RELA: variants seen among roughly 807,000 people sequenced by gnomAD.
RELA encodes transcription factor p65.
Under a neutral mutation model 56.7 loss-of-function variants are expected in RELA, and 14 were observed. That is an observed-to-expected ratio of 0.25 (90% CI 0.16 to 0.39). The LOEUF is 0.39. Among genes scored for constraint, RELA ranks in the 10% least tolerant of loss-of-function variants. RELA has a pLI of 1.00. For synonymous variants in RELA, 315 were observed against 289.7 expected (o/e 1.09, Z -0.89); for missense variants, 559 against 736.4 (o/e 0.76, Z 2.79).
At chr11:65,662,978 G>T, upstream of RELA, 1 of 558,136 alleles carries the variant, frequency 1.8e-6, no homozygotes, top group Non-Finnish European at 2.5e-6. Flanking sequence ...GCGCTGCCCC[G>T]CCGCCGCCCG....
At chr11:65,661,413 A>G (rs1159250554) in intron 4 of RELA, 4 of 366,428 alleles carry the variant, frequency 1.1e-5, no homozygotes, top group Non-Finnish European at 2.0e-5. Context: ...TCCTCAAACA[A>G]GAGACGTGAC....
At chr11:65,662,452 T>A in intron 1 of RELA, 1 of 504,450 alleles carries the variant, frequency 2.0e-6, no homozygotes, top group South Asian at 3.7e-5. Context: ...CTGTTGTACT[T>A]TCTTAAGGAA....
In RELA at chr11:65,654,794, C is replaced by A; in HGVS notation, c.1240G>T (p.Ala414Ser). The stretch of plus-strand genomic sequence containing the variant: ...GCCACAGCCTGAGGAGGGCCTGGGG[C>A]TAGGACTGGGACAGGGGCTGGGGCC... ...AQAPAPVPVL[A>S]PGPPQAVAPP... is the part of the protein sequence containing the mutation. Residue 414 changes from alanine (A) to serine (S), a missense_variant, in exon 11 of 11, where the codon GCC becomes TCC. Coordinates refer to ENST00000406246, the MANE Select transcript of RELA (RefSeq NM_021975.4). 6.6e-7 allele frequency: 1 copy of A among 1,522,672 alleles called. No homozygotes were observed. The highest frequency in any genetic ancestry group is 1.3e-5 in the South Asian group (1 of 78,580). 94.3% of individuals were successfully genotyped at this position (1,522,672 alleles called of 1,614,324 possible). A position where few individuals can be genotyped will look rare whatever the true frequency, so the allele number is the denominator to read the frequency against.
At position 65,655,197 on chromosome 11, in the gene RELA, G is replaced by C. The variant is rs898829824; in HGVS notation, c.1034-197C>G. ...GTTCTAGCCACACCTCCACCTTGGA[G>C]TCCTCCCTGACTACTCAAGCCCACG... On this transcript the variant is annotated intron_variant, in intron 10 of 10. Coordinates refer to ENST00000406246, the MANE Select transcript of RELA (RefSeq NM_021975.4). The C allele has an allele frequency of 2.0e-5, 12 of 600,078 alleles. No homozygotes were observed. In the African/African-American group the frequency reaches 2.1e-4, roughly 10 times the overall value. The allele number at this position is 600,078 out of a possible 1,614,324, so 37.2% of individuals were successfully genotyped here. A position where few individuals can be genotyped will look rare whatever the true frequency, so the allele number is the denominator to read the frequency against.
chr11:65,658,343 C>T lies in RELA; in HGVS notation c.821G>A (p.Arg274Gln). The stretch of plus-strand genomic sequence containing the variant: ...CTCACTGAGCTCCCGGTCGGAAGGC[C>T]GCCGCAGCTGCATGGAGACACGCAC... ...APVRVSMQLR[R>Q]PSDRELSEPM... The change falls in exon 8 of 11, where the codon CGG becomes CAG. Residue 274 changes from arginine to glutamine, a missense_variant. Physicochemically the swap from Arg to Gln is conservative, Grantham distance 43. Around this residue, in one of 4 missense-constraint regions of RELA, gnomAD observed 365 missense variants for 387.5 expected, o/e 0.94. Transcript: ENST00000406246. The surrounding 1 kb of genome is among the most constrained non-coding windows in gnomAD (Gnocchi z 4.5). 1.2e-6 allele frequency: 2 copies of T among 1,612,780 alleles called. No homozygotes were observed. The highest frequency in any genetic ancestry group is 1.7e-6 in the Non-Finnish European group (2 of 1,179,596).
At chr11:65,663,328 G>A (rs181268952), upstream of RELA, among the ~76,000 whole-genome samples, 591 of 152,342 alleles carry the variant, frequency 3.9e-3, 4 homozygotes, top group African/African-American at 0.014. Flanking sequence ...GCAGAGGCCG[G>A]GTGGTTGAAC....
chr11:65,654,745 T>C lies in RELA; in HGVS notation c.1289A>G (p.Gln430Arg), dbSNP rs1297711254. 56 of 1,509,648 alleles carry C rather than the reference T, an allele frequency of 3.7e-5. No individual in the cohort carries two copies. The highest frequency in any genetic ancestry group is 4.9e-5 in the Non-Finnish European group (55 of 1,129,268). 93.5% of individuals were successfully genotyped at this position (1,509,648 alleles called of 1,614,324 possible). ...CTCTGACAGCGTTCCTTCCCCAGCC[T>C]GGGTGGGCTTGGGGGCAGGTGGGGC... Reference protein sequence around the residue: ...AVAPPAPKPTQAGEGTLSEAL... With the variant: ...AVAPPAPKPTRAGEGTLSEAL... The change falls in exon 11 of 11, where the codon CAG becomes CGG. Residue 430 changes from glutamine to arginine, a missense_variant. Physicochemically the swap from Gln to Arg is conservative, Grantham distance 43. Around this residue, in one of 4 missense-constraint regions of RELA, gnomAD observed 365 missense variants for 387.5 expected, o/e 0.94. Transcript: ENST00000406246.
rs1856393333 is a variant in RELA at position 65,655,237 on chromosome 11, T to G, written c.1034-237A>C. On this transcript the variant is annotated intron_variant, in intron 10 of 10. Transcript: ENST00000406246. ...TCAAGCCCACGAAACTCTTCCAGCC[T>G]TTTAGAGGAAGGGACACTTGGAGAG... The G allele has an allele frequency of 1.7e-5, 10 of 579,256 alleles. No homozygotes were observed. The East Asian group carries it at 2.9e-4, about 17-fold the overall frequency. 35.9% of individuals were successfully genotyped at this position (579,256 alleles called of 1,614,324 possible). A position where few individuals can be genotyped will look rare whatever the true frequency, so the allele number is the denominator to read the frequency against.
At chr11:65,662,230 C>T in intron 1 of RELA, 25 bp from the exon 2 acceptor site, 1 of 1,536,184 alleles carries the variant, frequency 6.5e-7, no homozygotes, top group Non-Finnish European at 8.7e-7. Flanking sequence ...AGATCAGGGT[C>T]AGCACACACC....
upstream of RELA, chr11:65,663,067 C>G (rs1227421976): frequency 1.5e-5 from 4 of 264,238 alleles, no homozygotes; most frequent in Non-Finnish European, 2.8e-5. Flanking sequence ...GGGTCGGGGC[C>G]AAGTGCGCGC....
intron 8 of RELA, among the ~76,000 whole-genome samples, chr11:65,657,087 G>GTAGA (rs1474864558): frequency 6.6e-6 from 1 of 152,026 alleles, no homozygotes; most frequent in African/African-American, 2.4e-5. Flanking sequence ...GGACGATATG[G>GTAGA]TGATGTAACA....
Position 65,662,223 on chromosome 11 carries a change from T to C in RELA, c.8-18A>G. 1 of 1,555,572 alleles carries C rather than the reference T, an allele frequency of 6.4e-7. No homozygotes were observed. The highest frequency in any genetic ancestry group is 8.6e-7 in the Non-Finnish European group (1 of 1,156,164). ...GAACAGTTCTGAAAGGGGAGGGAGA[T>C]CAGGGTCAGCACACACCCAATGCCC... On this transcript the variant is annotated intron_variant, in intron 1 of 10. Transcript: ENST00000406246.
chr11:65,655,978 T>C (rs776997890), intron 8 of RELA, 43 bp from the exon 9 acceptor site: 1 of 1,563,804 alleles, frequency 6.4e-7, no homozygotes, highest in Non-Finnish European at 8.8e-7. Flanking sequence ...TCTCCTCAGG[T>C]GGGTCCCCGA....
chr11:65,655,929 C>CG lies in RELA; in HGVS notation c.883dup (p.Arg295ProfsTer5). ...TTTACGTTTCTCCTCAATCCGGTGA[C>CG]GATCGTCTGGGAAAGTAAGGGGGAG... On this transcript the variant is annotated frameshift_variant, in exon 9 of 11. Coordinates refer to ENST00000406246, the MANE Select transcript of RELA (RefSeq NM_021975.4). LOFTEE classifies it high-confidence loss of function. 6.2e-7 allele frequency: 1 copy of CG among 1,614,082 alleles called. No individual in the cohort carries two copies. Among genetic ancestry groups the CG allele is most frequent in the Non-Finnish European group, 8.5e-7 (1 of 1,179,988 alleles).
upstream of RELA, among the ~76,000 whole-genome samples, chr11:65,663,736 C>A (rs1308499540): frequency 3.3e-5 from 5 of 151,906 alleles, no homozygotes; most frequent in Non-Finnish European, 5.9e-5. Context: ...CCCCCACCCC[C>A]CTGCCCCCGC....
In RELA at chr11:65,653,707, C is replaced by T. The variant is rs1328488668; in HGVS notation, c.*671G>A. 1 of 152,688 alleles carries T rather than the reference C, an allele frequency of 6.5e-6. No individual in the cohort carries two copies. The highest frequency in any genetic ancestry group is 1.5e-5 in the Non-Finnish European group (1 of 68,238). The allele number at this position is 152,688 out of a possible 1,614,324, so 9.5% of individuals were successfully genotyped here. ...TCCTGACTGGAGAGCTGCCAGCCTG[C>T]TCTCCCCCACTCTTAACAACTTACC... On this transcript the variant is annotated 3_prime_UTR_variant, in exon 11 of 11. Transcript: ENST00000406246.
In RELA at chr11:65,661,808, C is replaced by A. The variant is rs1412466213; in HGVS notation, c.214G>T (p.Val72Leu). The A allele has an allele frequency of 1.9e-6, 3 of 1,613,554 alleles. No homozygotes were observed. The Admixed American group carries it at 5.0e-5, about 27-fold the overall frequency. Residue 72 changes from valine to leucine, a missense_variant, in exon 4 of 11, where the codon GTG (valine) becomes TTG (leucine). Transcript: ENST00000406246. ...TCCTTGGTGACCAGGGAGATGCGCA[C>A]TGTCCCTGGTCCTGTGTAGCCATTG... ...KINGYTGPGTVRISLVTKDPP... is the reference protein window; with the variant it reads ...KINGYTGPGTLRISLVTKDPP...
chr11:65,662,696 T>C, intron 1 of RELA, 130 bp downstream of exon 1: 1 of 688,962 alleles, frequency 1.5e-6, no homozygotes, highest in Non-Finnish European at 2.0e-6. Context: ...CGCGCCACCA[T>C]CCGGCAGGCC....
At chr11:65,662,504 C>T (rs1480717432) in intron 1 of RELA, 7 of 471,036 alleles carry the variant, frequency 1.5e-5, no homozygotes, top group Non-Finnish European at 2.6e-5. Flanking sequence ...AGAGAGGAAA[C>T]TGAATCAGAT....
Sources: allele counts gnomAD v4.1 joint callset (sites outside exome capture counted in the v4.1 genomes callset), GRCh38; gene constraint gnomAD v4.1.1; regional missense constraint gnomAD v4.1.1; non-coding constraint Gnocchi (gnomAD v3.1); transcripts MANE v1.5; gene names NCBI Gene and HGNC (gene_info 2026-07-23, HGNC 2026-07-21).